The following CELF1 variants were observed in gnomAD, a reference collection of about 807,000 sequenced individuals.
CELF1 encodes the protein 50 kDa nuclear polyadenylated RNA-binding protein.
CELF1 carries 10 observed loss-of-function variants against 61.8 expected under a neutral mutation model. That is an observed-to-expected ratio of 0.16 (90% CI 0.10 to 0.27). The LOEUF (loss-of-function observed/expected upper bound fraction) is 0.27. Ranked by LOEUF, CELF1 falls within the 10% of genes least tolerant of loss-of-function variation. The pLI is 1.00. For missense variants in CELF1, 380 were observed against 639.1 expected (o/e 0.59, Z 4.37); for synonymous variants, 236 against 225.1 (o/e 1.05, Z -0.43).
chr11:47,565,436 G>C, exon 1 of CELF1: 1 of 442,766 alleles, frequency 2.3e-6, no homozygotes, highest in Non-Finnish European at 3.5e-6. Flanking sequence ...CCTCCTCCGA[G>C]GCCGCCGGGC....
At chr11:47,474,310 G>A (rs970411216) in intron 13 of CELF1, among the ~76,000 whole-genome samples, 11 of 152,014 alleles carry the variant, frequency 7.2e-5, no homozygotes, top group African/African-American at 2.7e-4. Context: ...GCTGCCTCAG[G>A]GCCTCTGTAC....
At chr11:47,546,555 T>C (rs988990965) in intron 1 of CELF1, among the ~76,000 whole-genome samples, 7 of 152,112 alleles carry the variant, frequency 4.6e-5, no homozygotes, top group Non-Finnish European at 8.8e-5. Context: ...TAGAACAAAC[T>C]GAGAGACCTA....
chr11:47,483,086 A>G (rs1051691223), intron 8 of CELF1, among the ~76,000 whole-genome samples: 4 of 147,848 alleles, frequency 2.7e-5, no homozygotes, highest in African/African-American at 7.3e-5. Context: ...ACATGGCAAA[A>G]CGGTCGCTAT....
At position 47,558,547 on chromosome 11, in the gene CELF1, A is replaced by G. The variant is rs1298482566; in HGVS notation, c.-11+5804T>C. ...TATATGTATATATTTATATATTTAT[A>G]TTATATATATTTATATATAATATAT... On this transcript the variant is annotated intron_variant, in intron 2 of 3. Coordinates refer to the CELF1 transcript ENST00000525841. Among the ~76,000 whole-genome samples, 37 of 111,134 alleles carry G rather than the reference A, an allele frequency of 3.3e-4. 1 individual carries two copies. Among genetic ancestry groups the G allele is most frequent in the Non-Finnish European group, 3.9e-4 (24 of 61,624 alleles). 72.9% of individuals were successfully genotyped at this position (111,134 alleles called of 152,430 possible).
At chr11:47,529,401 T>C (rs767378429) in intron 1 of CELF1, among the ~76,000 whole-genome samples, 15 of 151,620 alleles carry the variant, frequency 9.9e-5, no homozygotes, top group Non-Finnish European at 1.8e-4. Flanking sequence ...ATATAAAAAT[T>C]AGTGGCCAGG....
chr11:47,501,590 G>A (rs748122763), intron 1 of CELF1, among the ~76,000 whole-genome samples: 30 of 152,204 alleles, frequency 2.0e-4, no homozygotes, highest in African/African-American at 7.0e-4. Flanking sequence ...CAAGGCGGGC[G>A]GATCACCTGA....
At chr11:47,496,622 T>C (rs1020089030) in intron 3 of CELF1, among the ~76,000 whole-genome samples, 40 of 152,118 alleles carry the variant, frequency 2.6e-4, no homozygotes, top group African/African-American at 9.2e-4. Flanking sequence ...TTCAGCTGCA[T>C]AGAGTAGGCA....
chr11:47,542,145 G>A (rs1049371809), intron 1 of CELF1, among the ~76,000 whole-genome samples: 4 of 152,164 alleles, frequency 2.6e-5, no homozygotes, highest in African/African-American at 9.7e-5. Context: ...CGAGGCAGGT[G>A]GATCACCTGA....
exon 1 of CELF1, chr11:47,565,502 C>A: frequency 1.1e-6 from 1 of 886,402 alleles, no homozygotes; most frequent in Non-Finnish European, 1.5e-6. Context: ...CGCCGTCACC[C>A]GGTGCGAGCC....
intron 1 of CELF1, among the ~76,000 whole-genome samples, chr11:47,550,873 G>A (rs1027299528): frequency 1.3e-5 from 2 of 151,980 alleles, no homozygotes; most frequent in Non-Finnish European, 2.9e-5. Context: ...TTGCAGGTGC[G>A]AATAAACTGA....
chr11:47,489,574 A>G (rs990009965), intron 3 of CELF1, among the ~76,000 whole-genome samples: 11 of 152,212 alleles, frequency 7.2e-5, no homozygotes, highest in African/African-American at 2.7e-4. Context: ...ATGTATAATC[A>G]TAATGCTCGA....
At chr11:47,514,317 G>A (rs1053696522) in intron 1 of CELF1, among the ~76,000 whole-genome samples, 10 of 151,926 alleles carry the variant, frequency 6.6e-5, no homozygotes, top group African/African-American at 1.7e-4. Context: ...ACATTTTCTC[G>A]TAAGCAGCCA....
chr11:47,497,166 AT>A (rs1267714701), intron 3 of CELF1, among the ~76,000 whole-genome samples: 2 of 152,238 alleles, frequency 1.3e-5, no homozygotes, highest in Non-Finnish European at 2.9e-5. Context: ...AAGTCTCTAG[AT>A]GAAAAGTAAT....
intron 1 of CELF1, among the ~76,000 whole-genome samples, chr11:47,516,577 C>T (rs542213774): frequency 6.6e-6 from 1 of 152,160 alleles, no homozygotes; most frequent in African/African-American, 2.4e-5. Flanking sequence ...TATTAGGCCT[C>T]CCCATCTCCA....
At position 47,468,956 on chromosome 11, in the gene CELF1, C is replaced by G. The variant is rs889329461; in HGVS notation, c.*3274G>C. 6.6e-6 allele frequency: 1 copy of G among 152,058 alleles called. No homozygotes were observed. Among genetic ancestry groups the G allele is most frequent in the Non-Finnish European group, 1.5e-5 (1 of 68,032 alleles). 9.4% of individuals were successfully genotyped at this position (152,058 alleles called of 1,614,324 possible). A position where few individuals can be genotyped will look rare whatever the true frequency, so the allele number is the denominator to read the frequency against. ...AGTTACACAGAGCAATACATCCAAA[C>G]AAAGAGAGAGAGAACAGGAACACTC... On this transcript the variant is annotated 3_prime_UTR_variant, in exon 15 of 15. Coordinates refer to ENST00000687097, the MANE Select transcript of CELF1 (RefSeq NM_001376376.1).
chr11:47,541,945 C>T (rs1226966170), intron 1 of CELF1, among the ~76,000 whole-genome samples: 1 of 151,960 alleles, frequency 6.6e-6, no homozygotes, highest in East Asian at 1.9e-4. Context: ...AGACATTCCC[C>T]CCCAAAACAC....
At chr11:47,547,112 T>TATGA (rs2096981506) in intron 1 of CELF1, among the ~76,000 whole-genome samples, 1 of 127,120 alleles carries the variant, frequency 7.9e-6, no homozygotes, top group Non-Finnish European at 1.6e-5. Context: ...GAAAATGCTG[T>TATGA]ATATTCAAAG....
rs2077401994 is a variant in CELF1, at chr11:47,470,297, T to TGTTTTCTTTTTTC, written c.*1932_*1933insGAAAAAAGAAAAC. 6.6e-6 allele frequency: 1 copy of TGTTTTCTTTTTTC among 151,958 alleles called. No individual in the cohort carries two copies. Among genetic ancestry groups the TGTTTTCTTTTTTC allele is most frequent in the Non-Finnish European group, 1.5e-5 (1 of 67,974 alleles). 9.4% of individuals were successfully genotyped at this position (151,958 alleles called of 1,614,324 possible). On this transcript the variant is annotated 3_prime_UTR_variant, in exon 15 of 15. Transcript: ENST00000687097. Reference sequence around the variant, plus strand: ...CCTAGCATTTTTTTCTTTTTTTTTTTTGTTTTCTTTTTTCTTTTTTATTTT... The same window carrying TGTTTTCTTTTTTC: ...CCTAGCATTTTTTTCTTTTTTTTTTTGTTTTCTTTTTTCTGTTTTCTTTTTTCTTTTTTATTTT...
chr11:47,495,165 G>A (rs901235412), intron 3 of CELF1, among the ~76,000 whole-genome samples: 3 of 152,238 alleles, frequency 2.0e-5, no homozygotes, highest in East Asian at 1.9e-4. Context: ...AAGTGGAAAA[G>A]TTGCAACTAG....
Sources: gnomAD v4.1 joint callset for allele counts (sites outside exome capture counted in the v4.1 genomes callset) on GRCh38, gnomAD v4.1.1 for gene constraint, MANE v1.5 for transcripts, NCBI Gene and HGNC (gene_info 2026-07-23, HGNC 2026-07-21) for gene names.